Variants in CLASRP observed in about 807,000 individuals in gnomAD.
CLASRP encodes CLK4 associating serine/arginine rich protein.
In CLASRP, 52 loss-of-function variants were observed where a neutral mutation model predicts 99.9. That is an observed-to-expected ratio of 0.52 (90% CI 0.42 to 0.66). The LOEUF is 0.66. Ranked by LOEUF, CLASRP falls within the 30% of genes least tolerant of loss-of-function variation. The pLI is 0.00. For missense variants in CLASRP, 848 were observed against 999.2 expected (o/e 0.85, Z 2.04); for synonymous variants, 379 against 373.0 (o/e 1.02, Z -0.18).
chr19:45,058,055 C>T, intron 7 of CLASRP, 157 bp downstream of exon 7: 1 of 846,464 alleles, frequency 1.2e-6, no homozygotes, highest in South Asian at 1.7e-5. Flanking sequence ...CTGTCTCACT[C>T]CTGTCCTCCT....
intron 13 of CLASRP, among the ~76,000 whole-genome samples, chr19:45,065,388 CAAAAAAAA>C (rs761472417): frequency 0.027 from 2,315 of 84,980 alleles, 81 homozygotes; most frequent in African/African-American, 0.087. Flanking sequence ...GATTCCGTCT[CAAAAAAAA>C]AAAAAAAAAA....
chr19:45,068,894 G>A (rs1600118448), intron 16 of CLASRP, among the ~76,000 whole-genome samples, 172 bp from the exon 17 acceptor site: 6 of 152,180 alleles, frequency 3.9e-5, no homozygotes, highest in Admixed American at 3.9e-4. Context: ...AGGAGGCTGA[G>A]GCAGGAGATG....
Position 45,060,699 on chromosome 19 carries a change from A to T in CLASRP, c.863+72A>T. The stretch of plus-strand genomic sequence containing the variant: ...AGAGCAGGGGCTTAGGGCCTGAGAA[A>T]GCTCTTTGGAGGCAGGCATTTGACT... On this transcript the variant is annotated intron_variant, in intron 10 of 20. Coordinates refer to ENST00000221455, the MANE Select transcript of CLASRP (RefSeq NM_007056.3). This position sits in a 1 kb window ranked among gnomAD's most constrained non-coding sequence, Gnocchi z 4.6. The T allele has an allele frequency of 8.5e-7, 1 of 1,179,218 alleles. No homozygotes were observed. The highest frequency in any genetic ancestry group is 2.7e-5 in the Admixed American group (1 of 36,554). The allele number at this position is 1,179,218 out of a possible 1,614,324, so 73.0% of individuals were successfully genotyped here.
intron 10 of CLASRP, among the ~76,000 whole-genome samples, chr19:45,061,809 CATT>C (rs1038776755): frequency 4.0e-5 from 6 of 151,692 alleles, no homozygotes; most frequent in African/African-American, 1.5e-4. Context: ...TCATCATCAT[CATT>C]AGTAAGCCCG....
At chr19:45,057,708 T>G in intron 6 of CLASRP, 42 bp from the exon 7 acceptor site, 1 of 1,609,788 alleles carries the variant, frequency 6.2e-7, no homozygotes, top group Non-Finnish European at 8.5e-7. Context: ...GGCCCTCATC[T>G]CCACTGGGCA....
chr19:45,056,381 CT>C (rs1451879559), intron 5 of CLASRP, 68 bp from the exon 6 acceptor site: 61 of 1,428,204 alleles, frequency 4.3e-5, no homozygotes, highest in Non-Finnish European at 5.7e-5. Context: ...CCACCGCACC[CT>C]TGTGTTCCCC....
chr19:45,042,705 C>T (rs1568410119), intron 2 of CLASRP, among the ~76,000 whole-genome samples: 1 of 151,966 alleles, frequency 6.6e-6, no homozygotes, highest in Non-Finnish European at 1.5e-5. Context: ...GTCCACCCCC[C>T]AGGTTCAAGC....
intron 2 of CLASRP, among the ~76,000 whole-genome samples, chr19:45,045,397 G>T (rs1600094782): frequency 1.3e-5 from 2 of 152,234 alleles, no homozygotes; most frequent in South Asian, 2.1e-4. Flanking sequence ...TGCATCTGTG[G>T]TCCCAGCTCC....
At chr19:45,052,676 C>G in intron 3 of CLASRP, 115 bp from the exon 4 acceptor site, 1 of 728,764 alleles carries the variant, frequency 1.4e-6, no homozygotes, top group Non-Finnish European at 2.3e-6. Flanking sequence ...GGCATGGGGA[C>G]CAAAGCAGGC....
intron 11 of CLASRP, among the ~76,000 whole-genome samples, chr19:45,062,680 CAATAA>C (rs998421213): frequency 6.6e-5 from 10 of 152,180 alleles, no homozygotes; most frequent in African/African-American, 2.2e-4. Flanking sequence ...CACGCCCGGC[CAATAA>C]AATTTTCTTT....
rs1386990215 is a variant in CLASRP at position 45,064,472 on chromosome 19, C to G, written c.1251C>G (p.Ser417=). 2.0e-6 allele frequency: 3 copies of G among 1,531,872 alleles called. No individual in the cohort carries two copies. The East Asian group carries it at 7.4e-5, about 38-fold the overall frequency. The allele number at this position is 1,531,872 out of a possible 1,614,324, so 94.9% of individuals were successfully genotyped here. A position where few individuals can be genotyped will look rare whatever the true frequency, so the allele number is the denominator to read the frequency against. Residue 417 remains serine (S), a synonymous_variant, in exon 13 of 21, where the codon TCC becomes TCG. Coordinates refer to ENST00000221455, the MANE Select transcript of CLASRP (RefSeq NM_007056.3). The part of the protein sequence containing the change: ...GYYRSGRHAR[S]RSRSWSRSRS... The stretch of plus-strand genomic sequence containing the variant: ...ACCGTTCCGGCCGCCACGCCCGCTC[C>G]CGGTCCCGCTCCTGGTCCCGCTCCC...
intron 15 of CLASRP, 88 bp from the exon 16 acceptor site, chr19:45,068,332 G>A (rs912759954): frequency 4.6e-5 from 13 of 283,188 alleles, no homozygotes; most frequent in Middle Eastern, 1.0e-3. Context: ...CCCCCCCCCC[G>A]CACAAAGCCC....
At chr19:45,040,613 G>GT in intron 2 of CLASRP, 1 of 257,538 alleles carries the variant, frequency 3.9e-6, no homozygotes, top group Non-Finnish European at 7.9e-6. Context: ...CAGAATGTCT[G>GT]TTTCGCTTAT....
intron 2 of CLASRP, among the ~76,000 whole-genome samples, chr19:45,047,899 C>T (rs907662922): frequency 3.9e-5 from 6 of 152,038 alleles, no homozygotes; most frequent in East Asian, 3.9e-4. Flanking sequence ...GCCTGGCCAA[C>T]GTGGTGAAAT....
rs199729745 is a variant in CLASRP at position 45,053,049 on chromosome 19, G to C, written c.300-49G>C. On this transcript the variant is annotated intron_variant, in intron 4 of 20. Transcript: ENST00000221455. ...CATTTCCCTTCCTGCTGGCTTGGGG[G>C]GGGATCCACTCCTTCTCTCTGATTT... is the stretch of plus-strand genomic sequence containing the variant. The C allele has an allele frequency of 2.1e-5, 33 of 1,604,544 alleles. No homozygotes were observed. In the South Asian group the frequency reaches 2.1e-4, roughly 10 times the overall value.
chr19:45,069,213 C>T lies in CLASRP; in HGVS notation c.1839C>T (p.Asp613=), dbSNP rs190581574. Residue 613 remains aspartate, a synonymous_variant, in exon 18 of 21, where the codon GAC becomes GAT. Transcript: ENST00000221455. ...QQEHERQERE[D]ELRAMARKIR... ...CCTGTCTGCTGCAGGAGCGGGAAGA[C>T]GAGCTTCGAGCCATGGCCCGCAAGA... 1.7e-5 allele frequency: 27 copies of T among 1,613,952 alleles called. No individual in the cohort carries two copies. The highest frequency in any genetic ancestry group is 1.0e-4 in the Admixed American group (6 of 60,014).
chr19:45,040,511 G>C, intron 2 of CLASRP, 200 bp downstream of exon 2: 1 of 477,610 alleles, frequency 2.1e-6, no homozygotes. Context: ...TGTGTCGTTT[G>C]GTGTGGCCTC....
chr19:45,056,560 G>C (rs774884926), intron 6 of CLASRP, 26 bp downstream of exon 6: 28 of 1,597,744 alleles, frequency 1.8e-5, no homozygotes, highest in Non-Finnish European at 2.3e-5. Context: ...GGGTGCAGGG[G>C]GTTGAGGAGG....
intron 5 of CLASRP, among the ~76,000 whole-genome samples, chr19:45,054,538 C>A (rs899107543): frequency 6.6e-6 from 1 of 152,202 alleles, no homozygotes. Context: ...CGTGAGCCAC[C>A]GCGCCTGGCC....
Sources: allele counts gnomAD v4.1 joint callset (sites outside exome capture counted in the v4.1 genomes callset), GRCh38; gene constraint gnomAD v4.1.1; non-coding constraint Gnocchi (gnomAD v3.1); transcripts MANE v1.5; gene names NCBI Gene and HGNC (gene_info 2026-07-23, HGNC 2026-07-21).